Variants in CELSR1 observed in about 807,000 individuals in gnomAD.
CELSR1 encodes cadherin EGF LAG seven-pass G-type receptor 1.
Under a neutral mutation model 249.1 loss-of-function variants are expected in CELSR1, and 110 were observed. The observed-to-expected ratio is 0.44, with a 90% CI of 0.38 to 0.52. CELSR1 has a LOEUF of 0.52. Among genes scored for constraint, CELSR1 ranks in the 20% least tolerant of loss-of-function variants. CELSR1 has a pLI of 0.00. For missense variants in CELSR1, 4,109 were observed against 4,296.4 expected (o/e 0.96, Z 1.22); for synonymous variants, 2,113 against 1,900.0 (o/e 1.11, Z -2.92).
intron 1 of CELSR1, among the ~76,000 whole-genome samples, chr22:46,494,299 G>A (rs1602209777): frequency 6.6e-6 from 1 of 152,062 alleles, no homozygotes; most frequent in African/African-American, 2.4e-5. Flanking sequence ...AAGTGGCCTT[G>A]GCTATTCTCA....
At chr22:46,379,715 C>A (rs542704662) in intron 22 of CELSR1, among the ~76,000 whole-genome samples, 126 of 152,368 alleles carry the variant, frequency 8.3e-4, no homozygotes, top group Non-Finnish European at 1.6e-3. Flanking sequence ...ACAGCCCCCA[C>A]TCACGGCTCC....
rs1461668887 is a variant in CELSR1, at chr22:46,517,007, C to A, written c.3544+16620G>T. ...TTTAAAGCAAAGGAACCTTTATCAC[C>A]CATAAGGGATGAGCTGGGCTCATCC... On this transcript the variant is annotated intron_variant, in intron 1 of 34. Coordinates refer to ENST00000674500, the MANE Select transcript of CELSR1 (RefSeq NM_001378328.1). This position sits in a 1 kb window ranked among gnomAD's most constrained non-coding sequence, Gnocchi z 5.4. Among the ~76,000 whole-genome samples, 1 of 152,236 alleles carries A rather than the reference C, an allele frequency of 6.6e-6. No individual in the cohort carries two copies. The highest frequency in any genetic ancestry group is 1.5e-5 in the Non-Finnish European group (1 of 68,042).
rs1056764961 is a variant in CELSR1 at position 46,527,703 on chromosome 22, A to C, written c.3544+5924T>G. Among the ~76,000 whole-genome samples, 1 of 152,232 alleles carries C rather than the reference A, an allele frequency of 6.6e-6. No individual in the cohort carries two copies. The highest frequency in any genetic ancestry group is 2.4e-5 in the African/African-American group (1 of 41,468). On this transcript the variant is annotated intron_variant, in intron 1 of 34. Transcript: ENST00000674500. The surrounding 1 kb of genome is among the most constrained non-coding windows in gnomAD (Gnocchi z 5.5). Reference sequence around the variant, plus strand: ...GCAAGCCACTGTCTCCAGACTTATCAGAGCTCTGAAATGGTTAACTCATTG... The same window carrying C: ...GCAAGCCACTGTCTCCAGACTTATCCGAGCTCTGAAATGGTTAACTCATTG...
At chr22:46,507,864 T>TG (rs5845754) in intron 1 of CELSR1, among the ~76,000 whole-genome samples, 143,319 of 152,108 alleles carry the variant, frequency 0.94, 67,653 homozygotes, top group East Asian at 1. Flanking sequence ...GAGGAGGCAC[T>TG]GGGGGGCTGC....
intron 5 of CELSR1, among the ~76,000 whole-genome samples, chr22:46,420,114 CCA>C (rs1158082810): frequency 6.7e-6 from 1 of 149,806 alleles, no homozygotes; most frequent in African/African-American, 2.5e-5. Context: ...GCATACTCAT[CCA>C]CATTCACACT....
chr22:46,385,617 A>C (rs2079023469), intron 19 of CELSR1, among the ~76,000 whole-genome samples: 1 of 151,384 alleles, frequency 6.6e-6, no homozygotes, highest in Admixed American at 6.6e-5. Context: ...GTCATCACAG[A>C]CTGTCTTCCC....
In CELSR1 at chr22:46,405,676, A is replaced by G. The variant is rs142284196; in HGVS notation, c.5226+3320T>C. ...CAATCTCAAGGTTATCCCACCTGAC[A>G]AGGTGGGTGGATTTTGGGTGCCCGA... On this transcript the variant is annotated intron_variant, in intron 9 of 34. Coordinates refer to ENST00000674500, the MANE Select transcript of CELSR1 (RefSeq NM_001378328.1). 4.1e-4 allele frequency among the ~76,000 whole-genome samples: 63 copies of G among 152,226 alleles called. No homozygotes were observed. In the East Asian group the frequency reaches 0.011, roughly 28 times the overall value.
chr22:46,485,929 CTTTTTTTTTTT>C (rs77749125), intron 1 of CELSR1, among the ~76,000 whole-genome samples: 12 of 104,784 alleles, frequency 1.1e-4, no homozygotes, highest in East Asian at 1.0e-3. Flanking sequence ...CTTTCAGGTA[CTTTTTTTTTTT>C]TTTTTTTTTT....
In CELSR1 at chr22:46,369,232, A is replaced by C; in HGVS notation, c.7899T>G (p.Ser2633=). The change falls in exon 27 of 35, where the codon TCT becomes TCG. Residue 2633 remains serine, a synonymous_variant. Transcript: ENST00000674500. ...GCTTTCTTTGGCAGGAAACCTTTGCAGATAGGACAGAAGTGACTGTGTTGA... is the reference window on the plus strand; with the variant it reads ...GCTTTCTTTGGCAGGAAACCTTTGCCGATAGGACAGAAGTGACTGTGTTGA... The part of the protein sequence containing the change: ...IIINTVTSVL[S]AKVSCQRKHH... 1 of 1,613,932 alleles carries C rather than the reference A, an allele frequency of 6.2e-7. No homozygotes were observed. Among genetic ancestry groups the C allele is most frequent in the Non-Finnish European group, 8.5e-7 (1 of 1,179,942 alleles).
intron 1 of CELSR1, among the ~76,000 whole-genome samples, chr22:46,514,466 A>G (rs1658781868): frequency 6.6e-6 from 1 of 152,206 alleles, no homozygotes; most frequent in Admixed American, 6.5e-5. Context: ...GCCCAAGGCC[A>G]CACACCTCTG....
Position 46,398,236 on chromosome 22 carries a change from G to A in CELSR1, c.5526+288C>T, listed in dbSNP as rs2079172484. On this transcript the variant is annotated intron_variant, in intron 11 of 34. Coordinates refer to ENST00000674500, the MANE Select transcript of CELSR1 (RefSeq NM_001378328.1). This position sits in a 1 kb window ranked among gnomAD's most constrained non-coding sequence, Gnocchi z 7.2. ...TCTGTGGTTGGACTGGGTGGGGGTG[G>A]CGGCAAGGGGCTCGATTCAGGACAC... is the stretch of plus-strand genomic sequence containing the variant. 6.6e-6 allele frequency among the ~76,000 whole-genome samples: 1 copy of A among 152,126 alleles called. No homozygotes were observed. The highest frequency in any genetic ancestry group is 2.1e-4 in the South Asian group (1 of 4,830).
chr22:46,373,169 G>A, intron 24 of CELSR1, 112 bp from the exon 25 acceptor site: 1 of 1,159,076 alleles, frequency 8.6e-7, no homozygotes, highest in Non-Finnish European at 1.2e-6. Flanking sequence ...CACCCTATGT[G>A]TCTGTCCTCA....
At position 46,434,833 on chromosome 22, in the gene CELSR1, C is replaced by T. The variant is rs1225687965; in HGVS notation, c.4522+1341G>A. Among the ~76,000 whole-genome samples the T allele has an allele frequency of 6.6e-6, 1 of 152,016 alleles. No homozygotes were observed. Among genetic ancestry groups the T allele is most frequent in the African/African-American group, 2.4e-5 (1 of 41,388 alleles). ...CCAACACAGTGAAACCCTGTCTCTA[C>T]TAAAAATACAAAAATTAGCCGGGCA... On this transcript the variant is annotated intron_variant, in intron 4 of 34. Transcript: ENST00000674500. The surrounding 1 kb of genome is among the most constrained non-coding windows in gnomAD (Gnocchi z 4.9).
intron 1 of CELSR1, among the ~76,000 whole-genome samples, chr22:46,499,679 CAGG>C (rs2080447578): frequency 6.6e-6 from 1 of 152,162 alleles, no homozygotes; most frequent in South Asian, 2.1e-4. Context: ...GTCCCTACCA[CAGG>C]AGATTTTGCA....
At chr22:46,403,691 G>A (rs2079232432) in intron 9 of CELSR1, among the ~76,000 whole-genome samples, 1 of 152,104 alleles carries the variant, frequency 6.6e-6, no homozygotes, top group South Asian at 2.1e-4. Flanking sequence ...ACTGGCTAGA[G>A]GCCAGGCACG....
At chr22:46,373,155 G>C in intron 24 of CELSR1, 98 bp from the exon 25 acceptor site, 2 of 1,282,370 alleles carry the variant, frequency 1.6e-6, no homozygotes, top group East Asian at 2.6e-5. Flanking sequence ...CTCACAATTC[G>C]GACCACCCTA....
At chr22:46,515,183 GCA>G (rs1791725486) in intron 1 of CELSR1, among the ~76,000 whole-genome samples, 1 of 152,114 alleles carries the variant, frequency 6.6e-6, no homozygotes, top group East Asian at 1.9e-4. Flanking sequence ...TTCCACCCGT[GCA>G]TCAGCCCTCT....
At position 46,471,442 on chromosome 22, in the gene CELSR1, T is replaced by C. The variant is rs2080154353; in HGVS notation, c.3545-7097A>G. Among the ~76,000 whole-genome samples the C allele has an allele frequency of 6.6e-6, 1 of 152,146 alleles. No individual in the cohort carries two copies. Among genetic ancestry groups the C allele is most frequent in the Non-Finnish European group, 1.5e-5 (1 of 68,022 alleles). On this transcript the variant is annotated intron_variant, in intron 1 of 34. Coordinates refer to ENST00000674500, the MANE Select transcript of CELSR1 (RefSeq NM_001378328.1). This position sits in a 1 kb window ranked among gnomAD's most constrained non-coding sequence, Gnocchi z 4.9. ...TCTCATTCTGTGGCCCAGGCTGGAA[T>C]GCAGTGGTGTGATTACTGCAGCCTT... is the stretch of plus-strand genomic sequence containing the variant.
intron 1 of CELSR1, among the ~76,000 whole-genome samples, chr22:46,469,977 G>GA (rs2147616304): frequency 1.3e-5 from 2 of 149,460 alleles, no homozygotes; most frequent in Admixed American, 6.7e-5. Context: ...GGGAGGGAGG[G>GA]AGGAGGAGGG....
Sources: gnomAD v4.1 joint callset for allele counts (sites outside exome capture counted in the v4.1 genomes callset) on GRCh38, gnomAD v4.1.1 for gene constraint, Gnocchi (gnomAD v3.1) non-coding constraint, MANE v1.5 for transcripts, NCBI Gene and HGNC (gene_info 2026-07-23, HGNC 2026-07-21) for gene names.